Variants in ZNF608 observed in about 807,000 individuals in gnomAD.
ZNF608 encodes the protein renal carcinoma antigen NY-REN-36.
A neutral mutation model predicts 109.0 loss-of-function variants in ZNF608; 12 were observed. The observed-to-expected ratio is 0.11, with a 90% CI of 0.07 to 0.18. The LOEUF is 0.18. ZNF608 is among the 10% of genes least tolerant of loss of function. The pLI, the probability that ZNF608 is intolerant of heterozygous loss-of-function variation, is 1.00. For synonymous variants in ZNF608, 732 were observed against 717.4 expected, an observed-to-expected ratio of 1.02 and a Z score of -0.33; for missense variants, 1,707 against 1,879.3, an observed-to-expected ratio of 0.91 and a Z score of 1.70.
At chr5:124,651,077 T>C (rs1750751200) in intron 3 of ZNF608, among the ~76,000 whole-genome samples, 1 of 152,270 alleles carries the variant, frequency 6.6e-6, no homozygotes, top group Non-Finnish European at 1.5e-5. Context: ...ATTTACTCTG[T>C]GTTAATTCAG....
Position 124,744,945 on chromosome 5 carries a change from A to G in ZNF608, c.45T>C (p.Asn15=). The G allele has an allele frequency of 1.2e-6, 2 of 1,613,952 alleles. No homozygotes were observed. Among genetic ancestry groups the G allele is most frequent in the Middle Eastern group, 3.3e-4 (2 of 6,062 alleles). Residue 15 remains asparagine (N), a synonymous_variant, in exon 2 of 10, where the codon AAT becomes AAC. Coordinates refer to ENST00000513986, the MANE Select transcript of ZNF608 (RefSeq NM_020747.3). The surrounding 1 kb of genome is among the most constrained non-coding windows in gnomAD (Gnocchi z 4.5). ...ISTAGKGVDP[N]TVDTYDSGDD... The stretch of plus-strand genomic sequence containing the variant: ...CGCCACTGTCATAAGTATCAACTGT[A>G]TTTGGATCCACACCTTTTCCTGCAG...
At chr5:124,651,123 G>A (rs532450536) in intron 3 of ZNF608, among the ~76,000 whole-genome samples, 12 of 152,344 alleles carry the variant, frequency 7.9e-5, no homozygotes, top group African/African-American at 2.9e-4. Flanking sequence ...GGAAAGGCTA[G>A]GATGGAGCAA....
intron 2 of ZNF608, among the ~76,000 whole-genome samples, chr5:124,724,786 C>G (rs772789577): frequency 2.0e-5 from 3 of 152,114 alleles, no homozygotes; most frequent in Non-Finnish European, 4.4e-5. Flanking sequence ...ATAATTCACA[C>G]GGGGTAACAT....
In ZNF608 at chr5:124,744,796, C is replaced by G; in HGVS notation, c.194G>C (p.Cys65Ser). The G allele has an allele frequency of 6.2e-7, 1 of 1,614,246 alleles. No individual in the cohort carries two copies. The highest frequency in any genetic ancestry group is 8.5e-7 in the Non-Finnish European group (1 of 1,180,038). ...TTTSSSNSKD[C>S]GGPASSGAGA... ...AGCCCCACTGGAGGCCGGACCTCCA[C>G]AATCCTTGGAGTTGCTGCTACTAGT... The change falls in exon 2 of 10, where the codon TGT becomes TCT. Residue 65 changes from cysteine (C) to serine (S), a missense_variant. Physicochemically the swap from Cys to Ser is moderately radical, Grantham distance 112. Coordinates refer to ENST00000513986, the MANE Select transcript of ZNF608 (RefSeq NM_020747.3). The surrounding 1 kb of genome is among the most constrained non-coding windows in gnomAD (Gnocchi z 4.5).
intron 2 of ZNF608, among the ~76,000 whole-genome samples, chr5:124,706,675 G>A (rs1753270187): frequency 6.6e-6 from 1 of 152,112 alleles, no homozygotes; most frequent in African/African-American, 2.4e-5. Context: ...ATAGGACACT[G>A]ATGTAACCTA....
intron 2 of ZNF608, among the ~76,000 whole-genome samples, chr5:124,716,335 TAAAAA>T (rs535459904): frequency 1.4e-5 from 2 of 142,986 alleles, no homozygotes; most frequent in East Asian, 4.0e-4. Context: ...TTTCATTTAA[TAAAAA>T]AAAAAAGAGG....
Position 124,742,706 on chromosome 5 carries a change from G to A in ZNF608, c.906+1378C>T, listed in dbSNP as rs375918732. Among the ~76,000 whole-genome samples, 41 of 152,196 alleles carry A rather than the reference G, an allele frequency of 2.7e-4. No homozygotes were observed. In the East Asian group the frequency reaches 3.5e-3, roughly 13 times the overall value. On this transcript the variant is annotated intron_variant, in intron 2 of 9. Coordinates refer to ENST00000513986, the MANE Select transcript of ZNF608 (RefSeq NM_020747.3). ...TTTGGCATTATCTACACCTTAATGT[G>A]CCTCTATCAACTTTTAAAAATCAAA...
chr5:124,694,142 A>AG (rs757931383), intron 3 of ZNF608, among the ~76,000 whole-genome samples: 2 of 63,938 alleles, frequency 3.1e-5, no homozygotes, highest in East Asian at 6.3e-4. Context: ...CGCTCGGCTA[A>AG]TTTTTTTTTT....
At position 124,738,101 on chromosome 5, in the gene ZNF608, A is replaced by G. The variant is rs1237434061; in HGVS notation, c.906+5983T>C. ...ATATGCAGTTACAACATTTATATACACACACCTATGACATACCAGTTACAG... is the reference window on the plus strand; with the variant it reads ...ATATGCAGTTACAACATTTATATACGCACACCTATGACATACCAGTTACAG... On this transcript the variant is annotated intron_variant, in intron 2 of 9. Coordinates refer to ENST00000513986, the MANE Select transcript of ZNF608 (RefSeq NM_020747.3). 2.0e-5 allele frequency among the ~76,000 whole-genome samples: 3 copies of G among 152,222 alleles called. No individual in the cohort carries two copies. The East Asian group carries it at 5.8e-4, about 29-fold the overall frequency.
intron 3 of ZNF608, among the ~76,000 whole-genome samples, chr5:124,669,434 A>G (rs1428738471): frequency 6.6e-6 from 1 of 152,150 alleles, no homozygotes; most frequent in African/African-American, 2.4e-5. Flanking sequence ...TCTCATGGAG[A>G]TGGTTCAGCA....
intron 3 of ZNF608, among the ~76,000 whole-genome samples, chr5:124,658,406 A>C (rs1363053108): frequency 6.6e-6 from 1 of 152,146 alleles, no homozygotes; most frequent in Non-Finnish European, 1.5e-5. Flanking sequence ...ACATGTATAG[A>C]GTGTGTGTCT....
At chr5:124,735,453 TC>T (rs1485660024) in intron 2 of ZNF608, among the ~76,000 whole-genome samples, 2 of 152,138 alleles carry the variant, frequency 1.3e-5, no homozygotes, top group Admixed American at 1.3e-4. Flanking sequence ...CCCAGGGCCC[TC>T]CATCTGCTCC....
At chr5:124,643,773 A>G in intron 6 of ZNF608, 90 bp from the exon 7 acceptor site, 1 of 1,316,668 alleles carries the variant, frequency 7.6e-7, no homozygotes, top group African/African-American at 1.5e-5. Flanking sequence ...ATAAGAGTCA[A>G]AGAGATCTTA....
At chr5:124,683,901 A>G (rs759493242) in intron 3 of ZNF608, among the ~76,000 whole-genome samples, 3 of 152,186 alleles carry the variant, frequency 2.0e-5, no homozygotes, top group Non-Finnish European at 4.4e-5. Flanking sequence ...GAAACTGGTA[A>G]GACTCTACCA....
At chr5:124,699,758 C>G in intron 3 of ZNF608, among the ~76,000 whole-genome samples, 1 of 152,190 alleles carries the variant, frequency 6.6e-6, no homozygotes, top group East Asian at 1.9e-4. Flanking sequence ...ATACTCAACA[C>G]TTGTCATCTG....
At position 124,647,063 on chromosome 5, in the gene ZNF608, C is replaced by T. The variant is rs763505514; in HGVS notation, c.3321G>A (p.Lys1107=). The T allele has an allele frequency of 2.5e-6, 4 of 1,614,062 alleles. No homozygotes were observed. Among genetic ancestry groups the T allele is most frequent in the Non-Finnish European group, 3.4e-6 (4 of 1,179,972 alleles). ...TSPAYRQQYE[K]YYEDQRLAEQ... is the part of the protein sequence containing the mutation. ...CTGCCAGCCTCTGGTCCTCATAGTA[C>T]TTCTCATACTGCTGTCTATAGGCAG... The change falls in exon 5 of 10, where the codon AAG becomes AAA. Residue 1107 remains lysine (K), a synonymous_variant. Coordinates refer to ENST00000513986, the MANE Select transcript of ZNF608 (RefSeq NM_020747.3).
At chr5:124,665,944 A>G (rs1200648456) in intron 3 of ZNF608, among the ~76,000 whole-genome samples, 1 of 152,250 alleles carries the variant, frequency 6.6e-6, no homozygotes, top group Non-Finnish European at 1.5e-5. Flanking sequence ...TACAGATGTA[A>G]TAGATAAAGG....
intron 2 of ZNF608, among the ~76,000 whole-genome samples, chr5:124,714,836 A>G (rs1226572612): frequency 6.6e-6 from 1 of 152,228 alleles, no homozygotes; most frequent in African/African-American, 2.4e-5. Context: ...ACCAGATGAC[A>G]GTTTTCAAAT....
chr5:124,748,672 C>T (rs7705693), upstream of ZNF608: 275,080 of 708,856 alleles, frequency 0.39, 55,766 homozygotes, highest in Middle Eastern at 0.44. Context: ...CACAGACCGT[C>T]CTGTGTATTT....
Sources: allele counts gnomAD v4.1 joint callset (sites outside exome capture counted in the v4.1 genomes callset), GRCh38; gene constraint gnomAD v4.1.1; non-coding constraint Gnocchi (gnomAD v3.1); transcripts MANE v1.5; gene names NCBI Gene and HGNC (gene_info 2026-07-23, HGNC 2026-07-21).